The following SHOC1 variants were observed in gnomAD, a reference collection of about 807,000 sequenced individuals.
SHOC1 encodes protein shortage in chiasmata 1 ortholog.
A neutral mutation model predicts 179.2 loss-of-function variants in SHOC1; 136 were observed. That is an observed-to-expected ratio of 0.76 (90% confidence interval 0.66 to 0.87). The LOEUF is 0.87. Among genes scored for constraint, SHOC1 ranks in the 40% least tolerant of loss-of-function variants. The pLI, the probability that SHOC1 is intolerant of heterozygous loss-of-function variation, is 0.00. For synonymous variants in SHOC1, 489 were observed against 586.6 expected (o/e 0.83, Z 2.41); for missense variants, 1,538 against 1,700.8 (o/e 0.90, Z 1.68).
intron 4 of SHOC1, among the ~76,000 whole-genome samples, chr9:111,777,120 G>A (rs761462061): frequency 1.3e-5 from 2 of 152,138 alleles, no homozygotes; most frequent in South Asian, 2.1e-4. Flanking sequence ...CGCAGAACTG[G>A]TTGAGCCAGA....
intron 5 of SHOC1, among the ~76,000 whole-genome samples, chr9:111,769,539 G>A (rs1330844976): frequency 6.6e-6 from 1 of 152,090 alleles, no homozygotes. Context: ...GCAGTGGCAT[G>A]ATCACAGCTC....
At chr9:111,703,315 T>C (rs1832071416) in intron 22 of SHOC1, among the ~76,000 whole-genome samples, 1 of 152,198 alleles carries the variant, frequency 6.6e-6, no homozygotes. Context: ...AAACCTGGTT[T>C]CTGCTCCCAC....
intron 24 of SHOC1, among the ~76,000 whole-genome samples, chr9:111,698,741 G>C (rs1464562678): frequency 6.6e-6 from 1 of 152,186 alleles, no homozygotes; most frequent in African/African-American, 2.4e-5. Context: ...CTGGGGGAAG[G>C]CAGGCCAGAA....
chr9:111,781,746 A>AATTAATTAATTAATTAATT (rs1564168991), intron 3 of SHOC1, among the ~76,000 whole-genome samples: 76 of 103,874 alleles, frequency 7.3e-4, no homozygotes, highest in African/African-American at 2.2e-3. Context: ...ATAAATAAAT[A>AATTAATTAATTAATTAATT]AATAAATTTG....
At chr9:111,735,574 T>C (rs1373086854) in intron 12 of SHOC1, among the ~76,000 whole-genome samples, 1 of 152,230 alleles carries the variant, frequency 6.6e-6, no homozygotes, top group African/African-American at 2.4e-5. Flanking sequence ...ATTTTCTTTA[T>C]CCAGTCTATC....
Position 111,714,599 on chromosome 9 carries a change from A to T in SHOC1, c.2261T>A (p.Ile754Asn), listed in dbSNP as rs149553787. 5.6e-6 allele frequency: 9 copies of T among 1,612,624 alleles called. No homozygotes were observed. Among genetic ancestry groups the T allele is most frequent in the African/African-American group, 1.3e-5 (1 of 74,896 alleles). Residue 754 changes from isoleucine (I) to asparagine (N), a missense_variant, in exon 17 of 28, where the codon ATC (isoleucine) becomes AAC (asparagine). Physicochemically the swap from Ile to Asn is moderately radical, Grantham distance 149 (BLOSUM62 -3). Transcript: ENST00000682961. ...ATAGGGGCCTAAAATGCTGTTGTAGATATCTTTTGCCTTCGACAAATATCC... is the reference window on the plus strand; with the variant it reads ...ATAGGGGCCTAAAATGCTGTTGTAGTTATCTTTTGCCTTCGACAAATATCC... Reference protein sequence around the residue: ...ALGYLSKAKDIYNSILGPYLG... With the variant: ...ALGYLSKAKDNYNSILGPYLG...
intron 12 of SHOC1, among the ~76,000 whole-genome samples, chr9:111,736,164 C>G (rs1030851398): frequency 6.6e-6 from 1 of 152,188 alleles, no homozygotes; most frequent in African/African-American, 2.4e-5. Context: ...AGATTCAACA[C>G]TATCCCTATC....
chr9:111,759,669 A>G (rs1358129257), intron 5 of SHOC1: 1 of 621,802 alleles, frequency 1.6e-6, no homozygotes, highest in Non-Finnish European at 2.0e-6. Flanking sequence ...AAGTTCCCAA[A>G]AAAGAAAGCC....
chr9:111,758,333 C>G (rs10981055), intron 6 of SHOC1, 138 bp from the exon 7 acceptor site: 1 of 580,936 alleles, frequency 1.7e-6, no homozygotes. Flanking sequence ...CAGTGGCTCA[C>G]GCCTGTAATC....
At position 111,765,047 on chromosome 9, in the gene SHOC1, G is replaced by A. The variant is rs567424167; in HGVS notation, c.443-6199C>T. Among the ~76,000 whole-genome samples the A allele has an allele frequency of 1.9e-3, 286 of 151,518 alleles. 2 individuals are homozygous for A. The highest frequency in any genetic ancestry group is 0.016 in the East Asian group (82 of 5,120). On this transcript the variant is annotated intron_variant, in intron 5 of 27. Transcript: ENST00000682961. ...TCCTAGCTACCTGGGAGGCTGAGGC[G>A]GGAGAATCACTTGAACCCGGGAGGC... is the stretch of plus-strand genomic sequence containing the variant.
At position 111,780,999 on chromosome 9, in the gene SHOC1, G is replaced by A. The variant is rs534243165; in HGVS notation, c.188C>T (p.Pro63Leu). ...PWTRVSAVSV[P>L]GMTDTSVLDQ... ...CAAGACTGAGGTATCTGTCATTCCC[G>A]GAACTGAAACAGCTGAGACTAGAAA... Residue 63 changes from proline (P) to leucine (L), a missense_variant, in exon 4 of 28, where the codon CCG (proline) becomes CTG (leucine). Coordinates refer to ENST00000682961, the MANE Select transcript of SHOC1 (RefSeq NM_001378211.1). The A allele has an allele frequency of 5.1e-5, 82 of 1,612,530 alleles. 1 individual carries two copies. The highest frequency in any genetic ancestry group is 1.7e-4 in the Middle Eastern group (1 of 6,054).
chr9:111,711,976 C>T lies in SHOC1; in HGVS notation c.2488+1124G>A, dbSNP rs112525904. 2.6e-3 allele frequency among the ~76,000 whole-genome samples: 396 copies of T among 152,144 alleles called. 2 individuals are homozygous for T. The highest frequency in any genetic ancestry group is 8.7e-3 in the African/African-American group (362 of 41,496). The stretch of plus-strand genomic sequence containing the variant: ...CTGATTAAAGTGATGGGTCAAATCA[C>T]TGAGTCTGGAAAGAAAAGGAGATGA... On this transcript the variant is annotated intron_variant, in intron 18 of 27. Coordinates refer to ENST00000682961, the MANE Select transcript of SHOC1 (RefSeq NM_001378211.1).
At chr9:111,701,215 A>G (rs1043623402) in intron 23 of SHOC1, among the ~76,000 whole-genome samples, 1 of 152,132 alleles carries the variant, frequency 6.6e-6, no homozygotes, top group Non-Finnish European at 1.5e-5. Context: ...TAATTCAAAC[A>G]ATTTCTTTTG....
At chr9:111,786,503 A>ATTTTTTTTTTTTTTTTTTT (rs34413616) in intron 2 of SHOC1, among the ~76,000 whole-genome samples, 1 of 110,270 alleles carries the variant, frequency 9.1e-6, no homozygotes. Flanking sequence ...TGCTCTGCAG[A>ATTTTTTTTTTTTTTTTTTT]TTTTTTTTTT....
At chr9:111,736,771 AACAG>A (rs1194491306) in intron 12 of SHOC1, among the ~76,000 whole-genome samples, 34 of 152,214 alleles carry the variant, frequency 2.2e-4, no homozygotes, top group African/African-American at 6.5e-4. Flanking sequence ...CAACAGAGTA[AACAG>A]ACAGTCTACA....
At chr9:111,781,062 A>G in intron 3 of SHOC1, 45 bp from the exon 4 acceptor site, 1 of 1,345,062 alleles carries the variant, frequency 7.4e-7, no homozygotes, top group Non-Finnish European at 1.0e-6. Context: ...ATTTTCTTTT[A>G]CACTTAATTC....
rs7867107 is a variant in SHOC1, at chr9:111,703,761, T to C, written c.2967+120A>G. 4.9e-3 allele frequency: 2,538 copies of C among 517,218 alleles called. 55 individuals carry two copies. Among genetic ancestry groups the C allele is most frequent in the African/African-American group, 0.044 (2,239 of 51,236 alleles). 32.0% of individuals were successfully genotyped at this position (517,218 alleles called of 1,614,324 possible). ...TGACGATTTTAGCACTTGTGGCCCATTTGCAAAATTTAGAAGAAATCACTA... is the reference window on the plus strand; with the variant it reads ...TGACGATTTTAGCACTTGTGGCCCACTTGCAAAATTTAGAAGAAATCACTA... On this transcript the variant is annotated intron_variant, in intron 22 of 27. Transcript: ENST00000682961.
intron 8 of SHOC1, among the ~76,000 whole-genome samples, chr9:111,753,367 C>T (rs1834693344): frequency 1.3e-5 from 2 of 152,136 alleles, no homozygotes; most frequent in South Asian, 2.1e-4. Context: ...AATAAAACTA[C>T]AGACCAATAT....
At chr9:111,738,749 CTT>C (rs1833914882) in intron 11 of SHOC1, among the ~76,000 whole-genome samples, 1 of 152,076 alleles carries the variant, frequency 6.6e-6, no homozygotes, top group Non-Finnish European at 1.5e-5. Context: ...TTATTTCACT[CTT>C]TGAAAATATC....
Sources: gnomAD v4.1 joint callset for allele counts (sites outside exome capture counted in the v4.1 genomes callset) on GRCh38, gnomAD v4.1.1 for gene constraint, MANE v1.5 for transcripts, NCBI Gene and HGNC (gene_info 2026-07-23, HGNC 2026-07-21) for gene names.